Variants in NFASC observed in about 807,000 individuals in gnomAD.
NFASC encodes neurofascin.
NFASC carries 43 observed loss-of-function variants against 147.5 expected under a neutral mutation model. The observed-to-expected ratio is 0.29, with a 90% confidence interval of 0.23 to 0.38. The LOEUF (loss-of-function observed/expected upper bound fraction) is 0.38. Among genes scored for constraint, NFASC ranks in the 10% least tolerant of loss-of-function variants. The pLI, the probability that NFASC is intolerant of heterozygous loss-of-function variation, is 1.00. For synonymous variants in NFASC, 622 were observed against 665.5 expected (o/e 0.93, Z 1.01); for missense variants, 1,320 against 1,689.0 (o/e 0.78, Z 3.83).
chr1:204,847,864 A>G (rs2102620851), intron 1 of NFASC, among the ~76,000 whole-genome samples: 1 of 152,304 alleles, frequency 6.6e-6, no homozygotes, highest in South Asian at 2.1e-4. Context: ...TGTTTGTCCC[A>G]TTCTGAAGTG....
intron 1 of NFASC, among the ~76,000 whole-genome samples, chr1:204,919,388 GC>G (rs1331981938): frequency 2.0e-5 from 3 of 152,084 alleles, no homozygotes; most frequent in African/African-American, 4.8e-5. Context: ...AAAAATACAA[GC>G]AAATGCATAT....
At chr1:204,993,809 A>G (rs763008940) in intron 24 of NFASC, 21 of 517,240 alleles carry the variant, frequency 4.1e-5, no homozygotes, top group Non-Finnish European at 7.7e-5. Flanking sequence ...GGTAAGCCCT[A>G]CTTCTCAGCT....
rs760687925 is a variant in NFASC, at chr1:204,973,276, C to G, written c.1136C>G (p.Ser379Trp). Residue 379 changes from serine (S) to tryptophan (W), a missense_variant and splice_region_variant, in exon 12 of 30, where the codon TCG becomes TGG. Ser to Trp is a radical substitution (Grantham distance 177). This residue lies in a region of NFASC where 981 missense variants were observed against 1,289.5 expected (regional missense o/e 0.76). Transcript: ENST00000339876. The stretch of plus-strand genomic sequence containing the variant: ...AGGAGCGTCTCTTTCTTGTCTGTAG[C>G]GGCACCACCTAACCCAAACCGTGAG... ...QWMVNGEPLQ[S>W]APPNPNREVA... is the part of the protein sequence containing the mutation. 4 of 1,613,992 alleles carry G rather than the reference C, an allele frequency of 2.5e-6. No individual in the cohort carries two copies. The highest frequency in any genetic ancestry group is 3.4e-6 in the Non-Finnish European group (4 of 1,179,962).
In NFASC at chr1:205,004,147, C is replaced by T. The variant is rs576365263; in HGVS notation, c.3289+1399C>T. ...TTTTGCTTCATTACATATTTGAGTC[C>T]AGCACAGCAGCAAAAAGCAAAGATG... is the stretch of plus-strand genomic sequence containing the variant. On this transcript the variant is annotated intron_variant, in intron 27 of 29. Transcript: ENST00000339876. 3.3e-5 allele frequency among the ~76,000 whole-genome samples: 5 copies of T among 152,330 alleles called. No homozygotes were observed. In the South Asian group the frequency reaches 6.2e-4, roughly 19 times the overall value.
At chr1:204,943,974 T>C (rs111256428) in intron 2 of NFASC, among the ~76,000 whole-genome samples, 7 of 152,170 alleles carry the variant, frequency 4.6e-5, no homozygotes, top group African/African-American at 1.7e-4. Flanking sequence ...GTGAAGGGGG[T>C]GGGCTGTACT....
intron 8 of NFASC, chr1:204,962,299 G>C (rs1159213023): frequency 1.4e-6 from 1 of 696,202 alleles, no homozygotes; most frequent in African/African-American, 1.8e-5. Flanking sequence ...CCAGAAGGCT[G>C]CCTGCCAGGA....
chr1:204,939,918 A>T (rs1337515326), intron 2 of NFASC, among the ~76,000 whole-genome samples: 1 of 152,228 alleles, frequency 6.6e-6, no homozygotes, highest in African/African-American at 2.4e-5. Context: ...ACTCAGAAAG[A>T]TGGTGGATTC....
intron 20 of NFASC, 51 bp from the exon 21 acceptor site, chr1:204,981,747 A>G: frequency 3.2e-6 from 4 of 1,246,448 alleles, no homozygotes; most frequent in Non-Finnish European, 4.5e-6. Context: ...CTGTGGGTGG[A>G]TCTGGGCCCC....
At position 205,016,304 on chromosome 1, in the gene NFASC, C is replaced by G; in HGVS notation, c.3492-4C>G. On this transcript the variant is annotated splice_region_variant and splice_polypyrimidine_tract_variant and intron_variant, in intron 29 of 29. Transcript: ENST00000339876. This position sits in a 1 kb window ranked among gnomAD's most constrained non-coding sequence, Gnocchi z 5.1. ...CCTGAGATTCTCTGTCTCTCTTTGG[C>G]CAGTGATGAGGACAACAAGCCCCTG... is the stretch of plus-strand genomic sequence containing the variant. 3 of 1,601,988 alleles carry G rather than the reference C, an allele frequency of 1.9e-6. No individual in the cohort carries two copies. The highest frequency in any genetic ancestry group is 2.6e-6 in the Non-Finnish European group (3 of 1,169,102).
intron 1 of NFASC, among the ~76,000 whole-genome samples, chr1:204,879,912 G>A (rs1352825977): frequency 1.3e-5 from 2 of 152,220 alleles, no homozygotes; most frequent in East Asian, 1.9e-4. Flanking sequence ...GTGATCAGAT[G>A]GTTTGGGGTT....
intron 25 of NFASC, chr1:204,997,692 G>A (rs1389567551): frequency 2.7e-5 from 14 of 526,646 alleles, no homozygotes; most frequent in Non-Finnish European, 3.5e-5. Context: ...CTTAACAGAC[G>A]GCCAAGCTCC....
At chr1:205,011,033 G>A (rs905034999) in intron 28 of NFASC, 1 of 152,168 alleles carries the variant, frequency 6.6e-6, no homozygotes, top group African/African-American at 2.4e-5. Flanking sequence ...CCATCTGTCT[G>A]TGATGGGGTG....
In NFASC at chr1:204,995,350, G is replaced by GTGTGTA. The variant is rs1553314756; in HGVS notation, c.2783-1817_2783-1816insGTATGT. On this transcript the variant is annotated intron_variant, in intron 24 of 29. Coordinates refer to ENST00000339876, the MANE Select transcript of NFASC (RefSeq NM_001005388.3). ...TGTGTGTGTGTGTGTGTGTGTGTGTGTGTATGTGTGTCGGTGGGTGGGGAT... is the reference window on the plus strand; with the variant it reads ...TGTGTGTGTGTGTGTGTGTGTGTGTGTGTGTATGTATGTGTGTCGGTGGGTGGGGAT... 3.7e-4 allele frequency among the ~76,000 whole-genome samples: 47 copies of GTGTGTA among 126,676 alleles called. No homozygotes were observed. In the Middle Eastern group the frequency reaches 0.012, roughly 33 times the overall value. 83.1% of individuals were successfully genotyped at this position (126,676 alleles called of 152,430 possible).
chr1:204,961,993 C>T (rs2094696353), intron 8 of NFASC: 3 of 736,590 alleles, frequency 4.1e-6, no homozygotes, highest in South Asian at 1.7e-5. Flanking sequence ...TGCAAAAGAC[C>T]ACTGCTGCCC....
intron 26 of NFASC, 147 bp downstream of exon 26, chr1:205,001,433 G>A (rs973843459): frequency 7.9e-6 from 5 of 635,388 alleles, no homozygotes; most frequent in Admixed American, 2.4e-5. Flanking sequence ...TAATGAAATC[G>A]ATATGCACTC....
intron 21 of NFASC, among the ~76,000 whole-genome samples, chr1:204,982,556 C>T (rs915264994): frequency 6.6e-6 from 1 of 152,202 alleles, no homozygotes; most frequent in Non-Finnish European, 1.5e-5. Flanking sequence ...CTGGTGCTCC[C>T]GCTGCGGCTC....
At chr1:204,829,029 C>G (rs1558464148) in intron 1 of NFASC, among the ~76,000 whole-genome samples, 2 of 109,048 alleles carry the variant, frequency 1.8e-5, no homozygotes, top group Admixed American at 9.7e-5. Flanking sequence ...CTTTCTATCT[C>G]GTTGGCCGCG....
intron 10 of NFASC, among the ~76,000 whole-genome samples, chr1:204,969,454 G>A (rs796529279): frequency 2.6e-5 from 4 of 152,174 alleles, no homozygotes; most frequent in South Asian, 2.1e-4. Context: ...GGGCCCACCC[G>A]AGTGATTGCA....
intron 1 of NFASC, chr1:204,870,596 C>T (rs1013457707): frequency 1.4e-5 from 13 of 898,854 alleles, no homozygotes; most frequent in African/African-American, 1.8e-5. Flanking sequence ...CTCTGTCTAT[C>T]CCCTCAGGAG....
Sources: gnomAD v4.1 joint callset for allele counts (sites outside exome capture counted in the v4.1 genomes callset) on GRCh38, gnomAD v4.1.1 for gene constraint, gnomAD v4.1.1 regional missense constraint, Gnocchi (gnomAD v3.1) non-coding constraint, MANE v1.5 for transcripts, NCBI Gene and HGNC (gene_info 2026-07-23, HGNC 2026-07-21) for gene names.